The following TNS1 variants were observed in gnomAD, a reference collection of about 807,000 sequenced individuals.
TNS1 encodes the protein tensin-1.
In TNS1, 62 loss-of-function variants were observed where a neutral mutation model predicts 168.6. That is an observed-to-expected ratio of 0.37 (90% CI 0.30 to 0.45). TNS1 has a LOEUF of 0.45. Among genes scored for constraint, TNS1 ranks in the 20% least tolerant of loss-of-function variants. The pLI is 1.00. For synonymous variants in TNS1, 934 were observed against 933.2 expected, an observed-to-expected ratio of 1.00 and a Z score of -0.02; for missense variants, 2,240 against 2,339.4, an observed-to-expected ratio of 0.96 and a Z score of 0.88.
rs914363302 is a variant in TNS1, at chr2:217,858,909, G to A, written c.1430-9822C>T. The stretch of plus-strand genomic sequence containing the variant: ...CCCAAGCCCTTCACTCCCACCGGCC[G>A]GGAGTCAGGAAAAGTGGCCAGCCCA... On this transcript the variant is annotated intron_variant, in intron 18 of 32. Coordinates refer to ENST00000682258, the MANE Select transcript of TNS1 (RefSeq NM_001387777.1). Among the ~76,000 whole-genome samples, 14 of 151,976 alleles carry A rather than the reference G, an allele frequency of 9.2e-5. No individual in the cohort carries two copies. The East Asian group carries it at 1.6e-3, about 17-fold the overall frequency.
intron 3 of TNS1, among the ~76,000 whole-genome samples, chr2:217,956,677 C>G (rs577454207): frequency 6.6e-6 from 1 of 152,224 alleles, no homozygotes; most frequent in Admixed American, 6.5e-5. Flanking sequence ...ACACATGCAC[C>G]CCTAAATCTC....
At chr2:217,853,106 T>C (rs1409000313) in intron 18 of TNS1, among the ~76,000 whole-genome samples, 1 of 151,848 alleles carries the variant, frequency 6.6e-6, no homozygotes, top group Non-Finnish European at 1.5e-5. Context: ...CATTCCCTTC[T>C]CACCATCCAC....
chr2:217,855,342 C>A (rs559864816), intron 18 of TNS1, among the ~76,000 whole-genome samples: 2 of 152,320 alleles, frequency 1.3e-5, no homozygotes, highest in Admixed American at 1.3e-4. Context: ...ACCTCCTGGG[C>A]AAATGCTTTC....
In TNS1 at chr2:217,813,987, C is replaced by G. The variant is rs1941451001; in HGVS notation, c.4730-171G>C. 1.4e-6 allele frequency: 1 copy of G among 712,904 alleles called. No individual in the cohort carries two copies. The highest frequency in any genetic ancestry group is 2.0e-6 in the Non-Finnish European group (1 of 489,994). 44.2% of individuals were successfully genotyped at this position (712,904 alleles called of 1,614,324 possible). ...GTCTTCCTGTACTCAGGTTGGCAAA[C>G]TTATTCTGTTGGGTTTTTATGTTTG... On this transcript the variant is annotated intron_variant, in intron 25 of 32. Transcript: ENST00000682258. The surrounding 1 kb of genome is among the most constrained non-coding windows in gnomAD (Gnocchi z 4.0).
chr2:217,894,549 C>T (rs180851145), intron 9 of TNS1, among the ~76,000 whole-genome samples: 160 of 152,192 alleles, frequency 1.1e-3, no homozygotes, highest in African/African-American at 3.7e-3. Context: ...CCCAGCTACT[C>T]GGAAGGCTGA....
At chr2:217,953,322 T>C (rs1559385437) in intron 3 of TNS1, among the ~76,000 whole-genome samples, 2 of 152,190 alleles carry the variant, frequency 1.3e-5, no homozygotes, top group South Asian at 2.1e-4. Flanking sequence ...AGGGACCCCA[T>C]GGGTGACTGT....
chr2:217,992,705 G>C (rs1467601413), intron 1 of TNS1: 1 of 152,428 alleles, frequency 6.6e-6, no homozygotes, highest in Admixed American at 6.5e-5. Flanking sequence ...ACAGGACAGA[G>C]AGAGAGGAGC....
chr2:217,823,940 C>T (rs1024375722), intron 22 of TNS1, among the ~76,000 whole-genome samples: 3 of 152,242 alleles, frequency 2.0e-5, no homozygotes, highest in African/African-American at 7.2e-5. Context: ...ATACCAAAGG[C>T]ATGGATTCTG....
At chr2:217,806,982 A>G (rs527805504) in intron 32 of TNS1, among the ~76,000 whole-genome samples, 1 of 152,134 alleles carries the variant, frequency 6.6e-6, no homozygotes, top group Non-Finnish European at 1.5e-5. Context: ...CCGTCCTTAA[A>G]TATCTGCTCT....
At chr2:217,954,160 C>T (rs1482544801) in intron 3 of TNS1, among the ~76,000 whole-genome samples, 1 of 152,148 alleles carries the variant, frequency 6.6e-6, no homozygotes, top group African/African-American at 2.4e-5. Flanking sequence ...CTAAGCAGAG[C>T]GAGGCAGTGC....
chr2:217,940,130 C>T (rs555959669), intron 3 of TNS1, among the ~76,000 whole-genome samples: 3 of 152,308 alleles, frequency 2.0e-5, no homozygotes, highest in Admixed American at 6.5e-5. Context: ...GCCTAACAGC[C>T]CTAGAAAGCT....
chr2:217,841,222 C>T (rs1481557991), intron 19 of TNS1: 5 of 982,598 alleles, frequency 5.1e-6, no homozygotes, highest in South Asian at 4.7e-5. Context: ...AGATTGGAGC[C>T]GGTGGAGAGG....
chr2:217,955,699 G>A (rs1957344974), intron 3 of TNS1, among the ~76,000 whole-genome samples: 1 of 152,178 alleles, frequency 6.6e-6, no homozygotes, highest in Admixed American at 6.5e-5. Context: ...GACAGGTGAG[G>A]GGACTGGAGC....
intron 20 of TNS1, 96 bp from the exon 21 acceptor site, chr2:217,835,262 G>T (rs1269894199): frequency 1.6e-5 from 18 of 1,160,228 alleles, no homozygotes; most frequent in Non-Finnish European, 2.2e-5. Flanking sequence ...GAGTTAACCA[G>T]CCCCCACATC....
chr2:217,847,090 C>T (rs1946752201), intron 19 of TNS1, among the ~76,000 whole-genome samples: 1 of 152,200 alleles, frequency 6.6e-6, no homozygotes, highest in African/African-American at 2.4e-5. Flanking sequence ...TGCAGAGTCT[C>T]CTCTGTGTCT....
Position 217,867,596 on chromosome 2 carries a change from G to A in TNS1, c.1429+13302C>T, listed in dbSNP as rs891135004. On this transcript the variant is annotated intron_variant, in intron 18 of 32. Coordinates refer to ENST00000682258, the MANE Select transcript of TNS1 (RefSeq NM_001387777.1). ...ATTCTATAAAGAGGCTGAGGCCAAA[G>A]CCAAATCCTTACTATGGCTACCAGA... Among the ~76,000 whole-genome samples, 4 of 152,234 alleles carry A rather than the reference G, an allele frequency of 2.6e-5. No individual in the cohort carries two copies. In the South Asian group the frequency reaches 6.2e-4, roughly 24 times the overall value.
At chr2:218,027,714 G>A (rs1241849554) in intron 1 of TNS1, among the ~76,000 whole-genome samples, 1 of 152,152 alleles carries the variant, frequency 6.6e-6, no homozygotes, top group South Asian at 2.1e-4. Context: ...GTGAGGGGAC[G>A]GTGGGAGTGG....
chr2:217,840,018 T>C (rs1032768063), intron 19 of TNS1, among the ~76,000 whole-genome samples: 1 of 152,014 alleles, frequency 6.6e-6, no homozygotes, highest in African/African-American at 2.4e-5. Flanking sequence ...TCCCCACCAC[T>C]GGGCTGAGAG....
At chr2:218,000,565 G>A (rs1445699249) in intron 1 of TNS1, among the ~76,000 whole-genome samples, 3 of 152,184 alleles carry the variant, frequency 2.0e-5, no homozygotes, top group African/African-American at 7.2e-5. Flanking sequence ...GATATCTATT[G>A]TCTCTTTCCC....
Sources: gnomAD v4.1 joint callset for allele counts (sites outside exome capture counted in the v4.1 genomes callset) on GRCh38, gnomAD v4.1.1 for gene constraint, Gnocchi (gnomAD v3.1) non-coding constraint, MANE v1.5 for transcripts, NCBI Gene and HGNC (gene_info 2026-07-23, HGNC 2026-07-21) for gene names.